Variants in DEPDC1B observed in about 807,000 individuals in gnomAD.
DEPDC1B encodes DEP domain containing 1B.
In DEPDC1B, 51 loss-of-function variants were observed where a neutral mutation model predicts 66.5. That is an observed-to-expected ratio of 0.77 (90% confidence interval 0.61 to 0.97). DEPDC1B has a LOEUF of 0.97. Among genes scored for constraint, DEPDC1B ranks in the 50% least tolerant of loss-of-function variants. The pLI is 0.00. For synonymous variants in DEPDC1B, 226 were observed against 223.6 expected, an observed-to-expected ratio of 1.01 and a Z score of -0.10; for missense variants, 552 against 637.1, an observed-to-expected ratio of 0.87 and a Z score of 1.44.
rs572171569 is a variant in DEPDC1B at position 60,624,926 on chromosome 5, T to A, written c.898+13824A>T. 1.7e-4 allele frequency among the ~76,000 whole-genome samples: 23 copies of A among 137,718 alleles called. 1 individual carries two copies. In the South Asian group the frequency reaches 5.8e-3, roughly 35 times the overall value. The allele number at this position is 137,718 out of a possible 152,430, so 90.3% of individuals were successfully genotyped here. ...GACCCCCCACACAGGCCCCGGTGTG[T>A]GATGTTCCCTGCCTTGTGTCCATGT... On this transcript the variant is annotated intron_variant, in intron 7 of 10. Transcript: ENST00000265036.
chr5:60,678,084 TG>T (rs970948271), intron 2 of DEPDC1B, among the ~76,000 whole-genome samples: 1 of 152,240 alleles, frequency 6.6e-6, no homozygotes, highest in African/African-American at 2.4e-5. Context: ...ATACAGGTTT[TG>T]CAAATCTCTA....
Position 60,638,795 on chromosome 5 carries a change from G to C in DEPDC1B, c.853C>G (p.Pro285Ala). 6.2e-7 allele frequency: 1 copy of C among 1,612,040 alleles called. No individual in the cohort carries two copies. The highest frequency in any genetic ancestry group is 8.5e-7 in the Non-Finnish European group (1 of 1,179,132). The change falls in exon 7 of 11, where the codon CCT becomes GCT. Residue 285 changes from proline (P) to alanine (A), a missense_variant. Pro to Ala is a conservative substitution (Grantham distance 27, BLOSUM62 -1). Transcript: ENST00000265036. ...TCAAAAAGATGAAATGTAAGTAGAG[G>C]CTCTTTCAAGTGACCATAGTAATCA... The part of the protein sequence containing the change: ...IADYYGHLKE[P>A]LLTFHLFDAF...
At chr5:60,634,460 T>A (rs1752994904) in intron 7 of DEPDC1B, among the ~76,000 whole-genome samples, 1 of 151,688 alleles carries the variant, frequency 6.6e-6, no homozygotes, top group Non-Finnish European at 1.5e-5. Context: ...ATCACGAGAT[T>A]AGGAGATCGA....
At chr5:60,601,662 A>C (rs1300976675) in intron 9 of DEPDC1B, among the ~76,000 whole-genome samples, 4 of 152,210 alleles carry the variant, frequency 2.6e-5, no homozygotes, top group Non-Finnish European at 5.9e-5. Context: ...AAAAAGTATC[A>C]TTTAAATAAA....
chr5:60,633,898 A>G (rs1752979735), intron 7 of DEPDC1B, among the ~76,000 whole-genome samples: 1 of 152,250 alleles, frequency 6.6e-6, no homozygotes, highest in Non-Finnish European at 1.5e-5. Context: ...CCTCAGAAAT[A>G]GATAGTACAG....
chr5:60,671,364 A>G (rs555969178), intron 2 of DEPDC1B, among the ~76,000 whole-genome samples: 1 of 152,324 alleles, frequency 6.6e-6, no homozygotes, highest in East Asian at 1.9e-4. Flanking sequence ...AGGGGTGCAC[A>G]GCTCACATTT....
At chr5:60,626,606 A>AAG (rs1184207258) in intron 7 of DEPDC1B, among the ~76,000 whole-genome samples, 42 of 152,296 alleles carry the variant, frequency 2.8e-4, no homozygotes, top group African/African-American at 9.4e-4. Context: ...AATACATTTT[A>AAG]CACTGCAATA....
At chr5:60,670,987 G>A (rs1049151736) in intron 2 of DEPDC1B, among the ~76,000 whole-genome samples, 1 of 152,000 alleles carries the variant, frequency 6.6e-6, no homozygotes, top group African/African-American at 2.4e-5. Flanking sequence ...GCACTTCCTG[G>A]AGATCTACAT....
rs1358511307 is a variant in DEPDC1B, at chr5:60,667,687, AATGGATATTTTACATGTATAT to A, written c.314+19254_314+19274del. On this transcript the variant is annotated intron_variant, in intron 2 of 10. Transcript: ENST00000265036. The stretch of plus-strand genomic sequence containing the variant: ...TATAATGGATATTTTACATGTATAT[AATGGATATTTTACATGTATAT>A]AAAATGGATATTTTACATATATATA... 8.6e-4 allele frequency among the ~76,000 whole-genome samples: 106 copies of A among 123,588 alleles called. 8 individuals are homozygous for A. Among genetic ancestry groups the A allele is most frequent in the African/African-American group, 2.7e-3 (76 of 28,276 alleles). The allele number at this position is 123,588 out of a possible 152,430, so 81.1% of individuals were successfully genotyped here. A position where few individuals can be genotyped will look rare whatever the true frequency, so the allele number is the denominator to read the frequency against.
intron 7 of DEPDC1B, among the ~76,000 whole-genome samples, chr5:60,631,303 T>G (rs1322619441): frequency 1.3e-5 from 2 of 152,222 alleles, no homozygotes; most frequent in Non-Finnish European, 2.9e-5. Context: ...TGAATATGAT[T>G]AGCCCCTGGA....
chr5:60,687,162 C>T lies in DEPDC1B; in HGVS notation c.114G>A (p.Lys38=). The T allele has an allele frequency of 6.2e-7, 1 of 1,614,106 alleles. No individual in the cohort carries two copies. Among genetic ancestry groups the T allele is most frequent in the Non-Finnish European group, 8.5e-7 (1 of 1,179,976 alleles). The change falls in exon 2 of 11, where the codon AAG becomes AAA. Residue 38 remains lysine, a synonymous_variant. Coordinates refer to ENST00000265036, the MANE Select transcript of DEPDC1B (RefSeq NM_018369.3). ...MPLRKHRCRF[K]SYEHCFTAAE... ...CCGCTGTGAAACAATGCTCATAGCT[C>T]TTGAAACGACAGCGATGTTTCCGTA...
At position 60,644,743 on chromosome 5, in the gene DEPDC1B, A is replaced by C. The variant is rs1211332632; in HGVS notation, c.709+2T>G. On this transcript the variant is annotated splice_donor_variant, in intron 5 of 10. Coordinates refer to ENST00000265036, the MANE Select transcript of DEPDC1B (RefSeq NM_018369.3). LOFTEE classifies it high-confidence loss of function. ...GTAACAAAATTATATTTATGCACTT[A>C]CTTGACTTGTCATCAAGAATAACAA... is the stretch of plus-strand genomic sequence containing the variant. 5.7e-6 allele frequency: 9 copies of C among 1,587,594 alleles called. No homozygotes were observed. Among genetic ancestry groups the C allele is most frequent in the Non-Finnish European group, 7.7e-6 (9 of 1,169,170 alleles).
intron 2 of DEPDC1B, among the ~76,000 whole-genome samples, chr5:60,674,470 TG>T (rs1367194301): frequency 6.6e-6 from 1 of 152,180 alleles, no homozygotes; most frequent in Admixed American, 6.5e-5. Context: ...TACATAACTT[TG>T]AACCTTGGGT....
chr5:60,689,689 T>C (rs1209539194), intron 1 of DEPDC1B, among the ~76,000 whole-genome samples: 1 of 152,118 alleles, frequency 6.6e-6, no homozygotes, highest in African/African-American at 2.4e-5. Flanking sequence ...CTCTTTTTTT[T>C]TTTCAGCCAC....
At position 60,668,257 on chromosome 5, in the gene DEPDC1B, TTA is replaced by T. The variant is rs3989098; in HGVS notation, c.314+18703_314+18704del. ...TTTATATATATATATAAAATGGATA[TTA>T]TATATATATATATATATATGTATTT... On this transcript the variant is annotated intron_variant, in intron 2 of 10. Coordinates refer to ENST00000265036, the MANE Select transcript of DEPDC1B (RefSeq NM_018369.3). Among the ~76,000 whole-genome samples the T allele has an allele frequency of 2.0e-3, 173 of 85,816 alleles. 12 individuals carry two copies. Among genetic ancestry groups the T allele is most frequent in the African/African-American group, 1.0e-2 (149 of 14,946 alleles). The allele number at this position is 85,816 out of a possible 152,430, so 56.3% of individuals were successfully genotyped here. A position where few individuals can be genotyped will look rare whatever the true frequency, so the allele number is the denominator to read the frequency against.
chr5:60,671,538 C>T (rs919142719), intron 2 of DEPDC1B, among the ~76,000 whole-genome samples: 2 of 152,192 alleles, frequency 1.3e-5, no homozygotes, highest in African/African-American at 4.8e-5. Context: ...CCCATCAGCC[C>T]GGGGAAATTT....
At position 60,687,124 on chromosome 5, in the gene DEPDC1B, T is replaced by C; in HGVS notation, c.152A>G (p.Asp51Gly). Residue 51 changes from aspartate to glycine, a missense_variant, in exon 2 of 11, where the codon GAT (aspartate) becomes GGT (glycine). Asp to Gly is a moderately conservative substitution (Grantham distance 94, BLOSUM62 -1). Transcript: ENST00000265036. ...GCACCTCAGCAGCTCATGCAGCCAA[T>C]CCACAGCTTCGGCCGCTGTGAAACA... is the stretch of plus-strand genomic sequence containing the variant. ...EHCFTAAEAV[D>G]WLHELLRCSQ... 1 of 1,614,172 alleles carries C rather than the reference T, an allele frequency of 6.2e-7. No individual in the cohort carries two copies. Among genetic ancestry groups the C allele is most frequent in the Non-Finnish European group, 8.5e-7 (1 of 1,180,034 alleles).
At chr5:60,669,688 C>T (rs1301266347) in intron 2 of DEPDC1B, among the ~76,000 whole-genome samples, 1 of 152,116 alleles carries the variant, frequency 6.6e-6, no homozygotes, top group African/African-American at 2.4e-5. Flanking sequence ...GGAGATGAAG[C>T]TGGAAACCAA....
intron 2 of DEPDC1B, among the ~76,000 whole-genome samples, chr5:60,680,102 A>G (rs1331978210): frequency 1.3e-5 from 2 of 152,218 alleles, no homozygotes; most frequent in Non-Finnish European, 2.9e-5. Context: ...TCTTATAAAC[A>G]TATAAAGTAG....
Sources: allele counts gnomAD v4.1 joint callset (sites outside exome capture counted in the v4.1 genomes callset), GRCh38; gene constraint gnomAD v4.1.1; transcripts MANE v1.5; gene names NCBI Gene and HGNC (gene_info 2026-07-23, HGNC 2026-07-21).